The following WDR7 variants were observed in gnomAD, a reference collection of about 807,000 sequenced individuals.
WDR7 encodes WD repeat-containing protein 7.
Under a neutral mutation model 169.4 loss-of-function variants are expected in WDR7, and 46 were observed. That is an observed-to-expected ratio of 0.27 (90% confidence interval 0.21 to 0.35). WDR7 has a LOEUF of 0.35. WDR7 is among the 10% of genes least tolerant of loss of function. The pLI is 1.00. For missense variants in WDR7, 1,534 were observed against 1,859.3 expected (o/e 0.83, Z 3.22); for synonymous variants, 612 against 666.8 (o/e 0.92, Z 1.27).
At chr18:56,984,955 C>T (rs2047693188) in intron 26 of WDR7, among the ~76,000 whole-genome samples, 1 of 152,156 alleles carries the variant, frequency 6.6e-6, no homozygotes, top group Admixed American at 6.5e-5. Flanking sequence ...TGATTATCTA[C>T]ACAATGTCTC....
chr18:56,895,320 C>A (rs1673687659), intron 21 of WDR7, among the ~76,000 whole-genome samples: 1 of 151,498 alleles, frequency 6.6e-6, no homozygotes, highest in Admixed American at 6.6e-5. Flanking sequence ...ACTAGTAAGA[C>A]CATAAAAACC....
At chr18:56,721,178 A>G (rs1306276995) in intron 13 of WDR7, among the ~76,000 whole-genome samples, 3 of 152,196 alleles carry the variant, frequency 2.0e-5, no homozygotes, top group African/African-American at 7.2e-5. Flanking sequence ...TTCCAAATGC[A>G]GCCATACCAC....
intron 22 of WDR7, 123 bp from the exon 23 acceptor site, chr18:56,935,665 A>G (rs2046949781): frequency 1.2e-6 from 1 of 860,004 alleles, no homozygotes; most frequent in Admixed American, 1.9e-5. Context: ...CAAGTCCATT[A>G]TATTCTAACT....
In WDR7 at chr18:56,937,858, C is replaced by T. The variant is rs576544960; in HGVS notation, c.3832-675C>T. ...TCTTAGCCCACTGTTGACCAAAAGT[C>T]TTACTGATAACATAAACAATTAACA... On this transcript the variant is annotated intron_variant, in intron 23 of 27. Coordinates refer to ENST00000254442, the MANE Select transcript of WDR7 (RefSeq NM_015285.3). Among the ~76,000 whole-genome samples the T allele has an allele frequency of 1.3e-3, 200 of 152,192 alleles. 1 individual carries two copies. The highest frequency in any genetic ancestry group is 2.2e-3 in the Non-Finnish European group (147 of 68,010).
At chr18:56,725,665 C>T (rs1336544487) in intron 13 of WDR7, among the ~76,000 whole-genome samples, 12 of 152,138 alleles carry the variant, frequency 7.9e-5, no homozygotes, top group South Asian at 2.1e-4. Context: ...TTAATTAGAT[C>T]GCATTTGTCA....
intron 14 of WDR7, among the ~76,000 whole-genome samples, chr18:56,739,561 C>T (rs1185808840): frequency 6.6e-6 from 1 of 151,980 alleles, no homozygotes; most frequent in East Asian, 1.9e-4. Flanking sequence ...TTTATGTTTT[C>T]ATCTAAGATC....
intron 22 of WDR7, among the ~76,000 whole-genome samples, chr18:56,935,091 G>A (rs1397025766): frequency 6.6e-6 from 1 of 152,114 alleles, no homozygotes; most frequent in African/African-American, 2.4e-5. Context: ...CGGAGTTTGG[G>A]AAGATTTATT....
At chr18:56,772,652 T>A (rs1298616513) in intron 16 of WDR7, among the ~76,000 whole-genome samples, 1 of 151,100 alleles carries the variant, frequency 6.6e-6, no homozygotes, top group Non-Finnish European at 1.5e-5. Context: ...GAGATATTTA[T>A]CTCTCTATAT....
rs1243241576 is a variant in WDR7 at position 56,731,380 on chromosome 18, C to T, written c.1775-3C>T. On this transcript the variant is annotated splice_region_variant and splice_polypyrimidine_tract_variant and intron_variant, in intron 13 of 27. Transcript: ENST00000254442. ...AATATTTGTGAATATATTTTTCTCG[C>T]AGGTGCATTGGATCGTTGTGTGATG... is the stretch of plus-strand genomic sequence containing the variant. 1 of 1,609,862 alleles carries T rather than the reference C, an allele frequency of 6.2e-7. No individual in the cohort carries two copies. The highest frequency in any genetic ancestry group is 8.5e-7 in the Non-Finnish European group (1 of 1,176,590).
At chr18:56,911,460 C>T (rs1348583844) in intron 21 of WDR7, among the ~76,000 whole-genome samples, 1 of 152,094 alleles carries the variant, frequency 6.6e-6, no homozygotes, top group Non-Finnish European at 1.5e-5. Context: ...AGAAAGGAAA[C>T]ATTTAAAGTG....
At chr18:56,967,193 A>ATACCAAAATCCATAG (rs2047421965) in intron 26 of WDR7, among the ~76,000 whole-genome samples, 2 of 151,698 alleles carry the variant, frequency 1.3e-5, no homozygotes, top group Admixed American at 6.5e-5. Context: ...GCTTGGGTGG[A>ATACCAAAATCCATAG]AAAGTTGAAG....
At chr18:56,910,537 T>C (rs1342747130) in intron 21 of WDR7, among the ~76,000 whole-genome samples, 1 of 152,220 alleles carries the variant, frequency 6.6e-6, no homozygotes, top group Non-Finnish European at 1.5e-5. Context: ...TTTGTGATTT[T>C]TCTCCAAGCA....
chr18:56,676,716 G>T (rs1329213762), intron 2 of WDR7, among the ~76,000 whole-genome samples: 19 of 150,184 alleles, frequency 1.3e-4, no homozygotes, highest in Middle Eastern at 3.4e-3. Flanking sequence ...TTGTTTTTTT[G>T]GTTTTTTTTT....
intron 20 of WDR7, among the ~76,000 whole-genome samples, chr18:56,865,319 C>T (rs888147713): frequency 2.6e-5 from 4 of 152,054 alleles, no homozygotes; most frequent in African/African-American, 7.2e-5. Context: ...TATTTGGTCT[C>T]ACCTTGAATA....
intron 27 of WDR7, among the ~76,000 whole-genome samples, chr18:57,024,977 G>A (rs1040772518): frequency 6.6e-6 from 1 of 152,054 alleles, no homozygotes; most frequent in African/African-American, 2.4e-5. Flanking sequence ...CTGACCAAAG[G>A]CATTTATCAA....
chr18:56,778,824 T>C (rs149291386), intron 17 of WDR7, among the ~76,000 whole-genome samples: 1,949 of 152,336 alleles, frequency 0.013, 18 homozygotes, highest in East Asian at 0.032. Flanking sequence ...TTTTGTGGAA[T>C]GTCTGAATTC....
chr18:56,707,735 G>T (rs2025992262), intron 12 of WDR7, among the ~76,000 whole-genome samples: 2 of 152,164 alleles, frequency 1.3e-5, no homozygotes, highest in Non-Finnish European at 2.9e-5. Context: ...TAAATTATGG[G>T]CTAGGCACAG....
At chr18:56,960,227 A>G (rs2047320812) in intron 25 of WDR7, among the ~76,000 whole-genome samples, 1 of 152,154 alleles carries the variant, frequency 6.6e-6, no homozygotes, top group East Asian at 1.9e-4. Context: ...TCTTTCTACC[A>G]TAAATAATGG....
In WDR7 at chr18:56,723,965, G is replaced by A. The variant is rs185492608; in HGVS notation, c.1774+5806G>A. Among the ~76,000 whole-genome samples, 113 of 151,220 alleles carry A rather than the reference G, an allele frequency of 7.5e-4. 1 individual carries two copies. The highest frequency in any genetic ancestry group is 1.5e-3 in the Admixed American group (22 of 15,160). On this transcript the variant is annotated intron_variant, in intron 13 of 27. Transcript: ENST00000254442. Reference sequence around the variant, plus strand: ...TTCTTCTATAATGTCTAATCTAATTGTTCCCATCTAGTATATTTTTCATCC... The same window carrying A: ...TTCTTCTATAATGTCTAATCTAATTATTCCCATCTAGTATATTTTTCATCC...
Sources: gnomAD v4.1 joint callset for allele counts (sites outside exome capture counted in the v4.1 genomes callset) on GRCh38, gnomAD v4.1.1 for gene constraint, MANE v1.5 for transcripts, NCBI Gene and HGNC (gene_info 2026-07-23, HGNC 2026-07-21) for gene names.